TAB2: variants seen among roughly 807,000 people sequenced by gnomAD.
TAB2 encodes the protein TGF-beta activated kinase 1 (MAP3K7) binding protein 2.
TAB2 carries 3 observed loss-of-function variants against 65.0 expected under a neutral mutation model. That is an observed-to-expected ratio of 0.05 (90% confidence interval 0.02 to 0.12). TAB2 has a LOEUF of 0.12. TAB2 is among the 10% of genes least tolerant of loss of function. TAB2 has a pLI of 1.00. For missense variants in TAB2, 623 were observed against 840.3 expected (o/e 0.74, Z 3.20); for synonymous variants, 298 against 285.1 (o/e 1.05, Z -0.46).
At chr6:149,304,718 C>T (rs1353098529) in intron 1 of TAB2, among the ~76,000 whole-genome samples, 1 of 152,144 alleles carries the variant, frequency 6.6e-6, no homozygotes, top group African/African-American at 2.4e-5. Flanking sequence ...TCAGGATTGC[C>T]TCTCATTTTA....
intron 1 of TAB2, among the ~76,000 whole-genome samples, chr6:149,273,620 T>C (rs910241860): frequency 2.0e-5 from 3 of 152,196 alleles, no homozygotes; most frequent in Admixed American, 1.3e-4. Context: ...ATTTGAAAAG[T>C]CTGTGGGCAA....
rs1369875114 is a variant in TAB2 at position 149,397,594 on chromosome 6, T to C, written c.1604-10T>C. The C allele has an allele frequency of 6.2e-7, 1 of 1,614,010 alleles. No homozygotes were observed. The highest frequency in any genetic ancestry group is 2.2e-5 in the East Asian group (1 of 44,860). On this transcript the variant is annotated splice_polypyrimidine_tract_variant and intron_variant, in intron 3 of 6. Transcript: ENST00000637181. The stretch of plus-strand genomic sequence containing the variant: ...GGGTGGGTCCTCATGTTTACTAATG[T>C]GTGTTGCAGCTCTTTTGGTACACCA...
At chr6:149,323,282 AAATC>A (rs1779509742) in intron 1 of TAB2, among the ~76,000 whole-genome samples, 1 of 152,168 alleles carries the variant, frequency 6.6e-6, no homozygotes, top group Non-Finnish European at 1.5e-5. Context: ...TGAGAGGAAG[AAATC>A]AATTATTTGT....
chr6:149,303,171 A>G (rs1778998680), intron 1 of TAB2, among the ~76,000 whole-genome samples: 1 of 152,220 alleles, frequency 6.6e-6, no homozygotes, highest in African/African-American at 2.4e-5. Context: ...TTGATTCTAC[A>G]TTATGGTGAG....
At chr6:149,361,101 G>A (rs1400203699) in intron 1 of TAB2, among the ~76,000 whole-genome samples, 1 of 152,112 alleles carries the variant, frequency 6.6e-6, no homozygotes, top group East Asian at 1.9e-4. Flanking sequence ...AACATTCTAG[G>A]GTCTGGAGGA....
At chr6:149,253,850 A>T (rs940008240) in intron 1 of TAB2, among the ~76,000 whole-genome samples, 3 of 151,002 alleles carry the variant, frequency 2.0e-5, no homozygotes, top group Non-Finnish European at 2.9e-5. Context: ...TGAACCTAGG[A>T]GGCAGAGGTT....
chr6:149,372,183 C>CA (rs200488954), intron 2 of TAB2, among the ~76,000 whole-genome samples: 9,954 of 147,298 alleles, frequency 0.068, 467 homozygotes, highest in Non-Finnish European at 0.1. Flanking sequence ...AAAATATTTT[C>CA]AAAAAAAAAA....
intron 6 of TAB2, among the ~76,000 whole-genome samples, chr6:149,405,415 AG>A (rs1275075541): frequency 2.0e-5 from 3 of 152,240 alleles, no homozygotes; most frequent in African/African-American, 7.2e-5. Flanking sequence ...ATATATCCAA[AG>A]GAAATGCAGT....
At chr6:149,323,890 A>G (rs1036538541) in intron 1 of TAB2, among the ~76,000 whole-genome samples, 4 of 149,352 alleles carry the variant, frequency 2.7e-5, no homozygotes, top group Admixed American at 6.8e-5. Context: ...ATAGGAATAC[A>G]TACAACTGAA....
intron 1 of TAB2, among the ~76,000 whole-genome samples, chr6:149,226,757 GTACTTT>G (rs1377816875): frequency 2.0e-5 from 3 of 152,302 alleles, no homozygotes; most frequent in East Asian, 3.9e-4. Context: ...TAATATCAAT[GTACTTT>G]TATCCCAGTG....
intron 1 of TAB2, among the ~76,000 whole-genome samples, chr6:149,325,553 G>C (rs1278804512): frequency 6.6e-6 from 1 of 152,064 alleles, no homozygotes; most frequent in Non-Finnish European, 1.5e-5. Context: ...TTTCTTGCCT[G>C]TTCCTGTGGG....
chr6:149,409,414 A>C (rs1300896739), intron 6 of TAB2, among the ~76,000 whole-genome samples, 163 bp from the exon 7 acceptor site: 1 of 152,130 alleles, frequency 6.6e-6, no homozygotes, highest in Non-Finnish European at 1.5e-5. Context: ...CCAACTAGAT[A>C]GAGGTTGGTA....
chr6:149,397,856 A>G, intron 4 of TAB2, 92 bp downstream of exon 4: 1 of 1,583,940 alleles, frequency 6.3e-7, no homozygotes, highest in South Asian at 1.1e-5. Flanking sequence ...TTTTCTTCAG[A>G]TGTTCTTAAC....
At chr6:149,385,627 G>A (rs573406103) in intron 3 of TAB2, among the ~76,000 whole-genome samples, 8 of 152,116 alleles carry the variant, frequency 5.3e-5, no homozygotes, top group African/African-American at 1.7e-4. Context: ...TTTAATTTGG[G>A]GTAAATGTCA....
At chr6:149,397,216 C>A (rs1015140949) in intron 3 of TAB2, among the ~76,000 whole-genome samples, 1 of 152,170 alleles carries the variant, frequency 6.6e-6, no homozygotes, top group African/African-American at 2.4e-5. Flanking sequence ...CCAAGGCAGG[C>A]GGATCACCTG....
At chr6:149,359,204 A>G (rs953421744) in intron 1 of TAB2, among the ~76,000 whole-genome samples, 2 of 151,928 alleles carry the variant, frequency 1.3e-5, no homozygotes, top group African/African-American at 4.8e-5. Context: ...ACATGATGTT[A>G]TTTGTTTTTC....
chr6:149,333,708 A>AGTGTGTGT (rs61004397), intron 1 of TAB2, among the ~76,000 whole-genome samples: 1,664 of 144,882 alleles, frequency 0.011, 17 homozygotes, highest in African/African-American at 0.02. Flanking sequence ...CCAGATCCAT[A>AGTGTGTGT]GTGTGTGTGT....
rs1385085513 is a variant in TAB2 at position 149,254,091 on chromosome 6, A to AC, written c.-121+35315_-121+35316insC. ...GAAGGAAGGAAGGAAGGAAGGAAGG[A>AC]AGGAAGGAAGGAAGGAAGGAAGGAC... On this transcript the variant is annotated intron_variant, in intron 1 of 1. Coordinates refer to the TAB2 transcript ENST00000606202. Among the ~76,000 whole-genome samples, 742 of 108,812 alleles carry AC rather than the reference A, an allele frequency of 6.8e-3. 6 individuals carry two copies. The highest frequency in any genetic ancestry group is 9.5e-3 in the Non-Finnish European group (470 of 49,376). 71.4% of individuals were successfully genotyped at this position (108,812 alleles called of 152,430 possible). A position where few individuals can be genotyped will look rare whatever the true frequency, so the allele number is the denominator to read the frequency against.
At chr6:149,386,183 A>G (rs1562447040) in intron 3 of TAB2, among the ~76,000 whole-genome samples, 1 of 152,194 alleles carries the variant, frequency 6.6e-6, no homozygotes, top group South Asian at 2.1e-4. Context: ...ATACTCTACA[A>G]TATGTCTGAC....
Sources: gnomAD v4.1 joint callset for allele counts (sites outside exome capture counted in the v4.1 genomes callset) on GRCh38, gnomAD v4.1.1 for gene constraint, MANE v1.5 for transcripts, NCBI Gene and HGNC (gene_info 2026-07-23, HGNC 2026-07-21) for gene names.